BCKDHA: variants seen among roughly 807,000 people sequenced by gnomAD.
The protein encoded by BCKDHA is 2-oxoisovalerate dehydrogenase subunit alpha, mitochondrial.
A neutral mutation model predicts 52.2 loss-of-function variants in BCKDHA; 43 were observed. That is an observed-to-expected ratio of 0.82 (90% CI 0.64 to 1.06). BCKDHA has a LOEUF of 1.06. Ranked by LOEUF, BCKDHA falls within the 50% of genes least tolerant of loss-of-function variation. BCKDHA has a pLI of 0.00. For missense variants in BCKDHA, 527 were observed against 621.3 expected (o/e 0.85, Z 1.61); for synonymous variants, 234 against 247.9 (o/e 0.94, Z 0.53).
At chr19:41,419,318 C>T (rs772012508) in intron 5 of BCKDHA, 22 bp downstream of exon 5, 2 of 1,604,376 alleles carry the variant, frequency 1.2e-6, no homozygotes, top group Non-Finnish European at 1.7e-6. Context: ...TGCCCTGTAC[C>T]TTGCACATGT....
intron 3 of BCKDHA, among the ~76,000 whole-genome samples, chr19:41,411,391 G>A (rs2123255431): frequency 6.6e-6 from 1 of 152,236 alleles, no homozygotes; most frequent in East Asian, 1.9e-4. Flanking sequence ...GTGATCCCCT[G>A]ATAAATCCTA....
chr19:41,397,924 C>A lies in BCKDHA; in HGVS notation c.97C>A (p.Leu33Met), dbSNP rs746282204. The A allele has an allele frequency of 9.3e-6, 15 of 1,613,896 alleles. No homozygotes were observed. The East Asian group carries it at 3.1e-4, about 34-fold the overall frequency. The change falls in exon 1 of 9, where the codon CTG becomes ATG. Residue 33 changes from leucine to methionine, a missense_variant. Transcript: ENST00000269980. ...GCTGCGGCAGCCTGGGGCTCGGGGA[C>A]TGGCTAGATCTGTGAGTACCTGGGC... is the stretch of plus-strand genomic sequence containing the variant. ...LLLRQPGARG[L>M]ARSHPPRQQQ...
At chr19:41,412,376 A>ATTTATTTTTTTTTTTTTTTTTTTT (rs1199996566) in intron 3 of BCKDHA, among the ~76,000 whole-genome samples, 2 of 46,390 alleles carry the variant, frequency 4.3e-5, no homozygotes, top group African/African-American at 1.1e-4. Flanking sequence ...GTCTGTAGAT[A>ATTTATTTTTTTTTTTTTTTTTTTT]TTTCTTTTTT....
At chr19:41,412,315 C>G (rs896526871) in intron 3 of BCKDHA, among the ~76,000 whole-genome samples, 3 of 151,086 alleles carry the variant, frequency 2.0e-5, no homozygotes, top group African/African-American at 7.3e-5. Flanking sequence ...TCATCTCATC[C>G]CTGTCTCCTC....
At chr19:41,414,397 C>T (rs926975202) in intron 4 of BCKDHA, among the ~76,000 whole-genome samples, 5 of 152,148 alleles carry the variant, frequency 3.3e-5, no homozygotes, top group African/African-American at 1.2e-4. Context: ...TACCAGTTGT[C>T]AGGTTTTGGG....
intron 1 of BCKDHA, among the ~76,000 whole-genome samples, chr19:41,404,377 C>T (rs2039170457): frequency 6.6e-6 from 1 of 151,900 alleles, no homozygotes; most frequent in South Asian, 2.1e-4. Flanking sequence ...GCAAGCTCTG[C>T]CTCCCAGGTT....
chr19:41,411,022 A>G lies in BCKDHA; in HGVS notation c.375+13A>G, dbSNP rs2039247959. 1 of 1,613,682 alleles carries G rather than the reference A, an allele frequency of 6.2e-7. No homozygotes were observed. Among genetic ancestry groups the G allele is most frequent in the Non-Finnish European group, 8.5e-7 (1 of 1,179,834 alleles). The stretch of plus-strand genomic sequence containing the variant: ...GTCTCAGCGGCAGGTGCGTGGGGAC[A>G]GGACTAGGGGCGGGGGGCTGGAATT... On this transcript the variant is annotated intron_variant, in intron 3 of 8. Transcript: ENST00000269980.
chr19:41,409,896 G>T (rs2039233339), intron 1 of BCKDHA, among the ~76,000 whole-genome samples: 1 of 150,940 alleles, frequency 6.6e-6, no homozygotes, highest in South Asian at 2.1e-4. Context: ...CACCTCCCGG[G>T]TTCAAGTGAT....
At chr19:41,423,688 C>T (rs922726945) in intron 8 of BCKDHA, among the ~76,000 whole-genome samples, 5 of 152,138 alleles carry the variant, frequency 3.3e-5, no homozygotes, top group Non-Finnish European at 7.4e-5. Flanking sequence ...AAAAATTAGC[C>T]GGGCATGGTG....
intron 1 of BCKDHA, among the ~76,000 whole-genome samples, chr19:41,408,377 G>C (rs1045717298): frequency 6.6e-6 from 1 of 151,690 alleles, no homozygotes; most frequent in African/African-American, 2.4e-5. Context: ...CAAATTCCCC[G>C]AGGAGTTAGT....
intron 4 of BCKDHA, among the ~76,000 whole-genome samples, chr19:41,417,100 C>G (rs772223844): frequency 6.6e-6 from 1 of 152,088 alleles, no homozygotes; most frequent in Non-Finnish European, 1.5e-5. Context: ...CAACCTCTGC[C>G]TCTTAGGATC....
chr19:41,420,871 G>A (rs189368770), intron 5 of BCKDHA, among the ~76,000 whole-genome samples: 45 of 152,316 alleles, frequency 3.0e-4, no homozygotes, highest in African/African-American at 7.9e-4. Flanking sequence ...ACAAGGAATC[G>A]GAGCCCCTTC....
In BCKDHA at chr19:41,419,301, G is replaced by A; in HGVS notation, c.646+5G>A. On this transcript the variant is annotated splice_donor_5th_base_variant and intron_variant, in intron 5 of 8. Transcript: ENST00000269980. ...TGGCCACGCAGATCCCTCAGGGTGA[G>A]GATGCATGCCCTGTACCTTGCACAT... 1 of 1,611,456 alleles carries A rather than the reference G, an allele frequency of 6.2e-7. No homozygotes were observed. The highest frequency in any genetic ancestry group is 1.1e-5 in the South Asian group (1 of 90,614).
Position 41,422,684 on chromosome 19 carries a change from GT to G in BCKDHA, c.912del (p.Phe304LeufsTer26), listed in dbSNP as rs1225471869. ...MSIRVDGNDV[F>X]AVYNATKEAR... ...CAATCCGCGTGGATGGTAATGATGT[GT>G]TTGCCGTATACAACGCCACAAAGGA... is the stretch of plus-strand genomic sequence containing the variant. On this transcript the variant is annotated frameshift_variant, in exon 7 of 9. Transcript: ENST00000269980. LOFTEE classifies it high-confidence loss of function. 6.2e-7 allele frequency: 1 copy of G among 1,614,022 alleles called. No individual in the cohort carries two copies. Among genetic ancestry groups the G allele is most frequent in the Non-Finnish European group, 8.5e-7 (1 of 1,180,048 alleles).
intron 5 of BCKDHA, among the ~76,000 whole-genome samples, chr19:41,420,578 G>A (rs1389329874): frequency 1.4e-5 from 2 of 141,776 alleles, no homozygotes; most frequent in Admixed American, 1.4e-4. Context: ...TAGCCAAAGT[G>A]AGATCCTGTC....
intron 4 of BCKDHA, chr19:41,418,650 C>A: frequency 4.8e-6 from 2 of 415,952 alleles, no homozygotes; most frequent in Admixed American, 2.8e-5. Context: ...TCTGCCTCAG[C>A]CTCCCAAGTA....
chr19:41,421,230 C>T (rs567664639), intron 5 of BCKDHA, among the ~76,000 whole-genome samples: 2 of 152,272 alleles, frequency 1.3e-5, no homozygotes, highest in Non-Finnish European at 2.9e-5. Flanking sequence ...TGCCATGTGC[C>T]GGTGCCACTC....
At chr19:41,420,079 T>C (rs562140819) in intron 5 of BCKDHA, among the ~76,000 whole-genome samples, 3 of 152,314 alleles carry the variant, frequency 2.0e-5, no homozygotes, top group Non-Finnish European at 4.4e-5. Context: ...TGTTCCAGAC[T>C]TTGAATGCAC....
intron 7 of BCKDHA, 31 bp from the exon 8 acceptor site, chr19:41,422,967 C>T: frequency 6.3e-7 from 1 of 1,584,668 alleles, no homozygotes; most frequent in East Asian, 2.3e-5. Context: ...AGGGAGCCCA[C>T]ACTGACCTGG....
Sources: gnomAD v4.1 joint callset for allele counts (sites outside exome capture counted in the v4.1 genomes callset) on GRCh38, gnomAD v4.1.1 for gene constraint, MANE v1.5 for transcripts, NCBI Gene and HGNC (gene_info 2026-07-23, HGNC 2026-07-21) for gene names.